Variants in ARHGAP1 observed in about 807,000 individuals in gnomAD.
ARHGAP1 encodes rho GTPase-activating protein 1.
ARHGAP1 carries 23 observed loss-of-function variants against 52.2 expected under a neutral mutation model. That is an observed-to-expected ratio of 0.44 (90% CI 0.32 to 0.62). ARHGAP1 has a LOEUF of 0.62. ARHGAP1 is among the 20% of genes least tolerant of loss of function. The pLI is 0.05. For synonymous variants in ARHGAP1, 210 were observed against 228.4 expected (o/e 0.92, Z 0.73); for missense variants, 480 against 560.9 (o/e 0.86, Z 1.46).
intron 3 of ARHGAP1, among the ~76,000 whole-genome samples, chr11:46,688,873 A>G (rs2064591236): frequency 6.6e-6 from 1 of 151,822 alleles, no homozygotes; most frequent in African/African-American, 2.4e-5. Context: ...ACCTGAGGTC[A>G]GGAGTTACGA....
Position 46,680,719 on chromosome 11 carries a change from T to G in ARHGAP1, c.664A>C (p.Lys222Gln). Residue 222 changes from lysine (K) to glutamine (Q), a missense_variant, in exon 8 of 13, where the codon AAG becomes CAG. By Grantham distance (53) the Lys-to-Gln change is moderately conservative (BLOSUM62 1). Transcript: ENST00000311956. This position sits in a 1 kb window ranked among gnomAD's most constrained non-coding sequence, Gnocchi z 5.9. Reference protein sequence around the residue: ...KYDDFLKSTQKSPATAPKPMP... With the variant: ...KYDDFLKSTQQSPATAPKPMP... ...GGCTTGGGGGCTGTCGCGGGGCTCT[T>G]CTGTGTGGATTTCAGGAAGTCGTCA... The G allele has an allele frequency of 4.5e-6, 7 of 1,566,230 alleles. No homozygotes were observed. The highest frequency in any genetic ancestry group is 6.0e-6 in the Non-Finnish European group (7 of 1,157,068).
In ARHGAP1 at chr11:46,679,035, G is replaced by T; in HGVS notation, c.*2C>A. 1 of 1,614,104 alleles carries T rather than the reference G, an allele frequency of 6.2e-7. No homozygotes were observed. The highest frequency in any genetic ancestry group is 8.5e-7 in the Non-Finnish European group (1 of 1,179,950). On this transcript the variant is annotated 3_prime_UTR_variant, in exon 13 of 13. Coordinates refer to ENST00000311956, the MANE Select transcript of ARHGAP1 (RefSeq NM_004308.5). This position sits in a 1 kb window ranked among gnomAD's most constrained non-coding sequence, Gnocchi z 4.4. ...AAGGGGCTGGTGGGGCAGGGGCCAG[G>T]TTCAGAGCCCGCTGGGGTCCGGGCT...
At chr11:46,684,730 A>G (rs1243506564) in intron 4 of ARHGAP1, among the ~76,000 whole-genome samples, 1 of 152,132 alleles carries the variant, frequency 6.6e-6, no homozygotes, top group Non-Finnish European at 1.5e-5. Context: ...TTTGATGTCA[A>G]TAAAATGTTT....
Position 46,678,023 on chromosome 11 carries a change from T to C in ARHGAP1, c.*1014A>G. 2.5e-6 allele frequency: 1 copy of C among 404,568 alleles called. No individual in the cohort carries two copies. Among genetic ancestry groups the C allele is most frequent in the South Asian group, 1.7e-5 (1 of 57,342 alleles). 25.1% of individuals were successfully genotyped at this position (404,568 alleles called of 1,614,324 possible). On this transcript the variant is annotated 3_prime_UTR_variant, in exon 13 of 13. Coordinates refer to ENST00000311956, the MANE Select transcript of ARHGAP1 (RefSeq NM_004308.5). ...TAGAACCCACCTATCTGGACTGACC[T>C]ATCAGCACAATCTCTGCCCCTCCTA...
chr11:46,694,029 A>C (rs945595562), intron 3 of ARHGAP1, among the ~76,000 whole-genome samples: 1 of 152,012 alleles, frequency 6.6e-6, no homozygotes, highest in Non-Finnish European at 1.5e-5. Flanking sequence ...CTCCCTTCCT[A>C]CAAGGGCTTC....
intron 3 of ARHGAP1, among the ~76,000 whole-genome samples, chr11:46,693,137 C>T (rs942184964): frequency 3.3e-5 from 5 of 152,120 alleles, no homozygotes; most frequent in African/African-American, 1.2e-4. Flanking sequence ...TAGGGATGAG[C>T]CACCGCGCCT....
intron 4 of ARHGAP1, among the ~76,000 whole-genome samples, chr11:46,686,201 G>A (rs1326036802): frequency 1.3e-5 from 2 of 151,246 alleles, no homozygotes; most frequent in African/African-American, 4.9e-5. Flanking sequence ...GGTCAGGCTG[G>A]TCTCGAACTG....
intron 4 of ARHGAP1, 45 bp downstream of exon 4, chr11:46,688,128 G>A: frequency 6.4e-7 from 1 of 1,573,372 alleles, no homozygotes; most frequent in South Asian, 1.1e-5. Context: ...AGGCTACAAT[G>A]GGGATCTGGG....
intron 3 of ARHGAP1, among the ~76,000 whole-genome samples, chr11:46,694,432 T>C (rs2064637520): frequency 6.6e-6 from 1 of 151,880 alleles, no homozygotes; most frequent in African/African-American, 2.4e-5. Context: ...GACGGACACC[T>C]ACCTGGCTGG....
In ARHGAP1 at chr11:46,688,172, C is replaced by T. The variant is rs767794647; in HGVS notation, c.317+1G>A. On this transcript the variant is annotated splice_donor_variant, in intron 4 of 12. Transcript: ENST00000311956. LOFTEE classifies it high-confidence loss of function. ...CAACACACTTCCCAGCAGGTACTCA[C>T]CCCAGGAGCTTGCTGTGGTCGAGCT... The T allele has an allele frequency of 5.1e-5, 83 of 1,613,022 alleles. No homozygotes were observed. The highest frequency in any genetic ancestry group is 6.6e-5 in the Non-Finnish European group (78 of 1,179,412).
At chr11:46,687,791 G>A (rs978255791) in intron 4 of ARHGAP1, 3 of 187,092 alleles carry the variant, frequency 1.6e-5, no homozygotes, top group Non-Finnish European at 3.3e-5. Flanking sequence ...TCCTATAAAC[G>A]ATAAACAACT....
Position 46,692,748 on chromosome 11 carries a change from C to T in ARHGAP1, c.229+2912G>A, listed in dbSNP as rs1387204519. Among the ~76,000 whole-genome samples the T allele has an allele frequency of 2.0e-5, 3 of 152,048 alleles. 1 individual carries two copies. Among genetic ancestry groups the T allele is most frequent in the South Asian group, 4.1e-4 (2 of 4,826 alleles). The stretch of plus-strand genomic sequence containing the variant: ...TGTCGCTCAGGCTGAAGTGAAGTGG[C>T]GTGATCTCAGCTCACTGCAACCTCT... On this transcript the variant is annotated intron_variant, in intron 3 of 12. Coordinates refer to ENST00000311956, the MANE Select transcript of ARHGAP1 (RefSeq NM_004308.5).
intron 3 of ARHGAP1, among the ~76,000 whole-genome samples, chr11:46,689,837 C>T (rs2064597721): frequency 6.6e-6 from 1 of 152,180 alleles, no homozygotes; most frequent in Non-Finnish European, 1.5e-5. Context: ...CCACGCCCGG[C>T]TCTTACCTCA....
intron 4 of ARHGAP1, among the ~76,000 whole-genome samples, chr11:46,685,567 C>T (rs1269807626): frequency 6.6e-6 from 1 of 151,994 alleles, no homozygotes; most frequent in African/African-American, 2.4e-5. Flanking sequence ...CCTCGTGATC[C>T]ACCCACCTTC....
rs889899853 is a variant in ARHGAP1, at chr11:46,680,877, A to C, written c.636-130T>G. 59 of 1,092,330 alleles carry C rather than the reference A, an allele frequency of 5.4e-5. No homozygotes were observed. Among genetic ancestry groups the C allele is most frequent in the Non-Finnish European group, 7.3e-5 (55 of 754,970 alleles). 67.7% of individuals were successfully genotyped at this position (1,092,330 alleles called of 1,614,324 possible). A position where few individuals can be genotyped will look rare whatever the true frequency, so the allele number is the denominator to read the frequency against. ...GATCTCTGTAACAACTCCGCTTTCC[A>C]CAGCAGAAAGCAAAGACCTGGGAGA... On this transcript the variant is annotated intron_variant, in intron 7 of 12. Coordinates refer to ENST00000311956, the MANE Select transcript of ARHGAP1 (RefSeq NM_004308.5). This position sits in a 1 kb window ranked among gnomAD's most constrained non-coding sequence, Gnocchi z 5.9.
At chr11:46,689,136 C>T (rs896772467) in intron 3 of ARHGAP1, among the ~76,000 whole-genome samples, 6 of 151,000 alleles carry the variant, frequency 4.0e-5, no homozygotes, top group South Asian at 2.1e-4. Flanking sequence ...TGTCCATCAG[C>T]GGATAAAAGA....
chr11:46,688,708 C>T (rs774180421), intron 3 of ARHGAP1, among the ~76,000 whole-genome samples: 2 of 151,868 alleles, frequency 1.3e-5, no homozygotes, highest in Admixed American at 6.6e-5. Context: ...GTCTTGAGCT[C>T]CTGGCCTCCT....
rs1384803250 is a variant in ARHGAP1 at position 46,695,700 on chromosome 11, T to C, written c.189A>G (p.Pro63=). 4 of 1,552,018 alleles carry C rather than the reference T, an allele frequency of 2.6e-6. No individual in the cohort carries two copies. Among genetic ancestry groups the C allele is most frequent in the Non-Finnish European group, 2.6e-6 (3 of 1,147,090 alleles). ...TCTGGTGCCGGGCGATGTCATAGTA[T>C]GGGTCATCCCACTTCAGGTGTGTGA... ...ELVTHLKWDD[P]YYDIARHQIV... is the part of the protein sequence containing the mutation. The change falls in exon 3 of 13, where the codon CCA becomes CCG. Residue 63 remains proline, a synonymous_variant. Coordinates refer to ENST00000311956, the MANE Select transcript of ARHGAP1 (RefSeq NM_004308.5).
At chr11:46,694,339 C>A (rs2134495132) in intron 3 of ARHGAP1, among the ~76,000 whole-genome samples, 1 of 149,430 alleles carries the variant, frequency 6.7e-6, no homozygotes, top group East Asian at 2.0e-4. Flanking sequence ...ATTAAGCTAG[C>A]CCCATCTGGC....
Sources: allele counts gnomAD v4.1 joint callset (sites outside exome capture counted in the v4.1 genomes callset), GRCh38; gene constraint gnomAD v4.1.1; non-coding constraint Gnocchi (gnomAD v3.1); transcripts MANE v1.5; gene names NCBI Gene and HGNC (gene_info 2026-07-23, HGNC 2026-07-21).